The following PDE4D variants were observed in gnomAD, a reference collection of about 807,000 sequenced individuals.
The protein encoded by PDE4D is phosphodiesterase 4D.
PDE4D carries 24 observed loss-of-function variants against 87.4 expected under a neutral mutation model. That is an observed-to-expected ratio of 0.27 (90% confidence interval 0.20 to 0.39). The LOEUF (loss-of-function observed/expected upper bound fraction) is 0.39, where lower values mean the gene tolerates loss of function less well. PDE4D is among the 10% of genes least tolerant of loss of function. The pLI is 1.00. For missense variants in PDE4D, 714 were observed against 1,041.0 expected (o/e 0.69, Z 4.32); for synonymous variants, 384 against 383.2 (o/e 1.00, Z -0.02).
chr5:59,893,668 C>T lies in PDE4D; in HGVS notation c.-46G>A, dbSNP rs1296549821. 17 of 1,417,112 alleles carry T rather than the reference C, an allele frequency of 1.2e-5. No homozygotes were observed. The highest frequency in any genetic ancestry group is 1.6e-5 in the Non-Finnish European group (17 of 1,096,456). 87.8% of individuals were successfully genotyped at this position (1,417,112 alleles called of 1,614,324 possible). A position where few individuals can be genotyped will look rare whatever the true frequency, so the allele number is the denominator to read the frequency against. On this transcript the variant is annotated 5_prime_UTR_variant, in exon 1 of 15. Coordinates refer to ENST00000340635, the MANE Select transcript of PDE4D (RefSeq NM_001104631.2). The stretch of plus-strand genomic sequence containing the variant: ...CCTGCTGCCCAGCCCGGGTTCACCG[C>T]GCTGGCCCGAGCGCCTTCCTGATGC...
At chr5:60,368,524 G>T (rs945807888) in intron 1 of PDE4D, among the ~76,000 whole-genome samples, 1 of 152,174 alleles carries the variant, frequency 6.6e-6, no homozygotes, top group Non-Finnish European at 1.5e-5. Flanking sequence ...AGAAAGCAGT[G>T]CTTTCCTTTG....
intron 2 of PDE4D, among the ~76,000 whole-genome samples, chr5:60,073,942 G>A (rs181560363): frequency 6.6e-6 from 1 of 152,058 alleles, no homozygotes; most frequent in Non-Finnish European, 1.5e-5. Flanking sequence ...CTAGCTAGCA[G>A]TCCATCTGTC....
At chr5:60,450,482 G>A (rs909486881) in intron 1 of PDE4D, among the ~76,000 whole-genome samples, 1 of 152,072 alleles carries the variant, frequency 6.6e-6, no homozygotes, top group Non-Finnish European at 1.5e-5. Flanking sequence ...GGAGAAGGGA[G>A]GGACAAAAGG....
intron 5 of PDE4D, among the ~76,000 whole-genome samples, chr5:59,071,150 T>C (rs1403957856): frequency 6.6e-6 from 1 of 152,234 alleles, no homozygotes; most frequent in African/African-American, 2.4e-5. Flanking sequence ...TTCATTCTTT[T>C]CTAGGTTTCA....
At chr5:59,530,575 C>T (rs1377778964) in intron 1 of PDE4D, among the ~76,000 whole-genome samples, 1 of 151,788 alleles carries the variant, frequency 6.6e-6, no homozygotes, top group Non-Finnish European at 1.5e-5. Context: ...CAAGAAAAGT[C>T]TGTACATGTT....
intron 5 of PDE4D, among the ~76,000 whole-genome samples, chr5:59,153,119 A>G (rs183942159): frequency 1.7e-4 from 26 of 152,252 alleles, no homozygotes; most frequent in African/African-American, 6.0e-4. Context: ...CATTCATCAC[A>G]ACAACTCTCT....
Position 60,299,063 on chromosome 5 carries a change from C to T in PDE4D, c.-89-113376G>A, listed in dbSNP as rs116781781. 5.5e-3 allele frequency among the ~76,000 whole-genome samples: 831 copies of T among 152,070 alleles called. 10 individuals carry two copies. The highest frequency in any genetic ancestry group is 0.019 in the African/African-American group (773 of 41,486). ...ATTGTGTCTTCATTCCAAGTGGAGTCGGAAATTTAAAAATCAAATAATTAG... is the reference window on the plus strand; with the variant it reads ...ATTGTGTCTTCATTCCAAGTGGAGTTGGAAATTTAAAAATCAAATAATTAG... On this transcript the variant is annotated intron_variant, in intron 1 of 16. Transcript: ENST00000502484.
chr5:59,604,364 C>A (rs1447036647), intron 1 of PDE4D, among the ~76,000 whole-genome samples: 1 of 151,988 alleles, frequency 6.6e-6, no homozygotes, highest in Non-Finnish European at 1.5e-5. Context: ...CCCTTGATTC[C>A]TCAGATGTTT....
At chr5:58,989,676 GA>G in intron 10 of PDE4D, 78 bp downstream of exon 10, 1 of 808,150 alleles carries the variant, frequency 1.2e-6, no homozygotes. Flanking sequence ...CTTCTCCATT[GA>G]AAACCCTTCA....
chr5:60,203,696 A>G (rs1181837212), intron 1 of PDE4D, among the ~76,000 whole-genome samples: 1 of 152,230 alleles, frequency 6.6e-6, no homozygotes, highest in African/African-American at 2.4e-5. Context: ...TGTAGGTGGA[A>G]AGAATGATCA....
intron 1 of PDE4D, among the ~76,000 whole-genome samples, chr5:59,768,033 C>T (rs1763014648): frequency 6.6e-6 from 1 of 152,078 alleles, no homozygotes; most frequent in Non-Finnish European, 1.5e-5. Flanking sequence ...CTTTGAGAAC[C>T]ACCCACCTCA....
intron 1 of PDE4D, among the ~76,000 whole-genome samples, chr5:60,502,483 C>T (rs1191149748): frequency 2.6e-5 from 4 of 152,100 alleles, no homozygotes; most frequent in Middle Eastern, 3.4e-3. Context: ...CTTGGCAATG[C>T]GGGATCTTTT....
intron 1 of PDE4D, among the ~76,000 whole-genome samples, chr5:59,819,294 T>C (rs1481570622): frequency 6.6e-6 from 1 of 152,234 alleles, no homozygotes; most frequent in Non-Finnish European, 1.5e-5. Flanking sequence ...CAACGCCTGG[T>C]AAAACTGAGT....
intron 1 of PDE4D, among the ~76,000 whole-genome samples, chr5:59,534,336 CA>C (rs749916816): frequency 1.3e-5 from 2 of 152,116 alleles, no homozygotes; most frequent in African/African-American, 2.4e-5. Context: ...TAAATAAGCA[CA>C]AAACAAACAT....
chr5:59,257,676 C>T (rs1761231749), intron 1 of PDE4D, among the ~76,000 whole-genome samples: 1 of 151,974 alleles, frequency 6.6e-6, no homozygotes, highest in Non-Finnish European at 1.5e-5. Context: ...CGAGGGTTGC[C>T]TGGTGTGTCA....
chr5:59,192,240 C>T (rs1744500221), intron 3 of PDE4D, among the ~76,000 whole-genome samples: 1 of 152,114 alleles, frequency 6.6e-6, no homozygotes, highest in South Asian at 2.1e-4. Context: ...ATACTTATGA[C>T]ATTTTAGAAA....
At chr5:59,043,211 T>G (rs1051879635) in intron 5 of PDE4D, among the ~76,000 whole-genome samples, 1 of 152,072 alleles carries the variant, frequency 6.6e-6, no homozygotes, top group Non-Finnish European at 1.5e-5. Context: ...TGCCCTTAAT[T>G]TAAAAAAAAA....
chr5:59,158,397 A>G (rs994275035), intron 5 of PDE4D, among the ~76,000 whole-genome samples: 4 of 152,152 alleles, frequency 2.6e-5, no homozygotes, highest in African/African-American at 9.7e-5. Context: ...TGTCCCTAAT[A>G]TTTTGTTGCT....
At chr5:59,217,642 G>A (rs1159887523) in intron 1 of PDE4D, among the ~76,000 whole-genome samples, 1 of 152,160 alleles carries the variant, frequency 6.6e-6, no homozygotes, top group Non-Finnish European at 1.5e-5. Flanking sequence ...CTTTACAGAC[G>A]AGGATACCAG....
Sources: gnomAD v4.1 joint callset for allele counts (sites outside exome capture counted in the v4.1 genomes callset) on GRCh38, gnomAD v4.1.1 for gene constraint, MANE v1.5 for transcripts, NCBI Gene and HGNC (gene_info 2026-07-23, HGNC 2026-07-21) for gene names.